CRYBB1: variants seen among roughly 807,000 people sequenced by gnomAD.
CRYBB1 encodes beta-crystallin B1.
A neutral mutation model predicts 29.5 loss-of-function variants in CRYBB1; 16 were observed. That is an observed-to-expected ratio of 0.54 (90% CI 0.37 to 0.82). The LOEUF is 0.82. Among genes scored for constraint, CRYBB1 ranks in the 40% least tolerant of loss-of-function variants. CRYBB1 has a pLI of 0.00. For missense variants in CRYBB1, 300 were observed against 350.5 expected (o/e 0.86, Z 1.15); for synonymous variants, 127 against 136.7 (o/e 0.93, Z 0.49).
intron 1 of CRYBB1, among the ~76,000 whole-genome samples, chr22:26,617,421 A>T (rs1929392355): frequency 6.6e-6 from 1 of 152,162 alleles, no homozygotes; most frequent in African/African-American, 2.4e-5. Context: ...GGATAAGCAC[A>T]TCCCTCCCCC....
In CRYBB1 at chr22:26,612,069, C is replaced by G. The variant is rs774112671; in HGVS notation, c.299+3G>C. On this transcript the variant is annotated splice_donor_region_variant and intron_variant, in intron 3 of 5. Transcript: ENST00000647684. ...GTGTGCCCCTCCGCCGCCCAGTACTCACGGTCCCGCGGAGACAATGATGCT... is the reference window on the plus strand; with the variant it reads ...GTGTGCCCCTCCGCCGCCCAGTACTGACGGTCCCGCGGAGACAATGATGCT... The G allele has an allele frequency of 6.2e-7, 1 of 1,608,404 alleles. No individual in the cohort carries two copies. Among genetic ancestry groups the G allele is most frequent in the Non-Finnish European group, 8.5e-7 (1 of 1,175,306 alleles).
intron 1 of CRYBB1, among the ~76,000 whole-genome samples, chr22:26,617,372 G>A (rs570661108): frequency 3.8e-4 from 58 of 152,334 alleles, no homozygotes; most frequent in African/African-American, 1.3e-3. Flanking sequence ...CTCTGGTCAA[G>A]CTGATTCCCG....
In CRYBB1 at chr22:26,601,875, T is replaced by C. The variant is rs778690135; in HGVS notation, c.575+4A>G. 1 of 1,611,900 alleles carries C rather than the reference T, an allele frequency of 6.2e-7. No homozygotes were observed. Among genetic ancestry groups the C allele is most frequent in the South Asian group, 1.1e-5 (1 of 90,982 alleles). ...GACGCGGACCTGGCAGGAGGGATGC[T>C]TACGTTCCACTGGAGACCTTCACGC... is the stretch of plus-strand genomic sequence containing the variant. On this transcript the variant is annotated splice_donor_region_variant and intron_variant, in intron 5 of 5. Transcript: ENST00000647684.
chr22:26,601,815 A>G, intron 5 of CRYBB1, 64 bp downstream of exon 5: 1 of 1,608,376 alleles, frequency 6.2e-7, no homozygotes, highest in Admixed American at 1.7e-5. Context: ...CTGTAAGGGG[A>G]GCAGCCTCTG....
Position 26,601,955 on chromosome 22 carries a change from G to A in CRYBB1, c.499C>T (p.Gln167Ter), listed in dbSNP as rs1928834349. ...CAGAGACTGGGTGCGTCGTCCCCCTGGATCTCTATGGTGTTGCCCTTGAAG... is the reference window on the plus strand; with the variant it reads ...CAGAGACTGGGTGCGTCGTCCCCCTAGATCTCTATGGTGTTGCCCTTGAAG... ...ANFKGNTIEI[Q>*]GDDAPSLWVY... Residue 167 changes from glutamine (Q) to a stop codon, truncating the protein, a stop_gained, in exon 5 of 6, where the codon CAG (glutamine) becomes TAG (stop). Coordinates refer to ENST00000647684, the MANE Select transcript of CRYBB1 (RefSeq NM_001887.4). LOFTEE classifies it high-confidence loss of function. 6.2e-7 allele frequency: 1 copy of A among 1,613,426 alleles called. No homozygotes were observed. The highest frequency in any genetic ancestry group is 1.3e-5 in the African/African-American group (1 of 74,864).
Position 26,616,199 on chromosome 22 carries a change from G to A in CRYBB1, c.121C>T (p.Pro41Ser), listed in dbSNP as rs765400366. The A allele has an allele frequency of 3.1e-6, 5 of 1,614,196 alleles. No individual in the cohort carries two copies. In the South Asian group the frequency reaches 5.5e-5, roughly 18 times the overall value. Residue 41 changes from proline to serine, a missense_variant, in exon 2 of 6, where the codon CCA becomes TCA. By Grantham distance (74) the Pro-to-Ser change is moderately conservative. Transcript: ENST00000647684. Reference sequence around the variant, plus strand: ...GCGCTGGTAATAGGCACGGTTGTTGGGGCCAGGGTAGTGCCGGGACTAGGG... The same window carrying A: ...GCGCTGGTAATAGGCACGGTTGTTGAGGCCAGGGTAGTGCCGGGACTAGGG... ...TSPSPGTTLA[P>S]TTVPITSAKA...
At chr22:26,608,486 A>G (rs1297852670) in intron 3 of CRYBB1, among the ~76,000 whole-genome samples, 2 of 152,220 alleles carry the variant, frequency 1.3e-5, no homozygotes, top group Non-Finnish European at 2.9e-5. Context: ...TAACAAAGAG[A>G]GAAAAGACCA....
chr22:26,612,693 G>T (rs1456178541), intron 2 of CRYBB1, among the ~76,000 whole-genome samples: 1 of 152,214 alleles, frequency 6.6e-6, no homozygotes, highest in Non-Finnish European at 1.5e-5. Context: ...GCCATCATTA[G>T]GAACTTATGA....
At chr22:26,616,399 C>G in intron 1 of CRYBB1, 61 bp from the exon 2 acceptor site, 1 of 1,128,792 alleles carries the variant, frequency 8.9e-7, no homozygotes, top group Non-Finnish European at 1.3e-6. Context: ...CCCTCATAGC[C>G]CCACATCCTG....
intron 4 of CRYBB1, among the ~76,000 whole-genome samples, chr22:26,603,531 C>T (rs1280639991): frequency 6.7e-6 from 1 of 148,840 alleles, no homozygotes; most frequent in Non-Finnish European, 1.5e-5. Flanking sequence ...CTGTCTCAAA[C>T]AACAACAACA....
In CRYBB1 at chr22:26,599,310, T is replaced by TG. The variant is rs1928748812; in HGVS notation, c.*179dup. On this transcript the variant is annotated 3_prime_UTR_variant, in exon 6 of 6. Transcript: ENST00000647684. ...CAGTGTTTGCTGCTTTTATTATCGT[T>TG]GTAATTATTAAGAGCGAGGAAGTCA... The TG allele has an allele frequency of 1.6e-6, 1 of 613,386 alleles. No homozygotes were observed. Among genetic ancestry groups the TG allele is most frequent in the Non-Finnish European group, 2.9e-6 (1 of 345,334 alleles). 38.0% of individuals were successfully genotyped at this position (613,386 alleles called of 1,614,324 possible).
chr22:26,601,613 A>G (rs1928820976), intron 5 of CRYBB1, among the ~76,000 whole-genome samples: 1 of 121,212 alleles, frequency 8.3e-6, no homozygotes, highest in African/African-American at 3.3e-5. Flanking sequence ...CTTCAACCCC[A>G]ACTAGGCTTA....
intron 5 of CRYBB1, among the ~76,000 whole-genome samples, chr22:26,600,716 T>C (rs539720573): frequency 6.6e-6 from 1 of 152,388 alleles, no homozygotes; most frequent in Admixed American, 6.5e-5. Flanking sequence ...ACTTCTCTCA[T>C]TGTCTTTGCT....
At chr22:26,599,814 G>A (rs1928765836) in intron 5 of CRYBB1, 141 bp from the exon 6 acceptor site, 1 of 738,930 alleles carries the variant, frequency 1.4e-6, no homozygotes, top group South Asian at 1.5e-5. Context: ...ATCCCTTCCT[G>A]CTCTGTGCCC....
intron 3 of CRYBB1, among the ~76,000 whole-genome samples, chr22:26,609,467 T>C (rs1299014587): frequency 2.0e-5 from 3 of 151,884 alleles, no homozygotes; most frequent in African/African-American, 7.3e-5. Flanking sequence ...GATGGACAGA[T>C]GAATGGATGC....
At chr22:26,612,947 AC>A (rs1404930421) in intron 2 of CRYBB1, among the ~76,000 whole-genome samples, 1 of 152,050 alleles carries the variant, frequency 6.6e-6, no homozygotes, top group Non-Finnish European at 1.5e-5. Context: ...CAACTAACCC[AC>A]CACACAGTCA....
intron 5 of CRYBB1, among the ~76,000 whole-genome samples, chr22:26,600,825 C>T (rs1928797541): frequency 6.6e-6 from 1 of 152,202 alleles, no homozygotes; most frequent in Non-Finnish European, 1.5e-5. Flanking sequence ...CTGCCCTCTG[C>T]CCTAACATAC....
chr22:26,601,586 C>T (rs1928820154), intron 5 of CRYBB1, among the ~76,000 whole-genome samples: 1 of 143,536 alleles, frequency 7.0e-6, no homozygotes, highest in Non-Finnish European at 1.5e-5. Context: ...AGCGCCGGCC[C>T]TTTTAGTTGA....
chr22:26,610,422 C>A (rs1434873113), intron 3 of CRYBB1, among the ~76,000 whole-genome samples: 1 of 152,058 alleles, frequency 6.6e-6, no homozygotes, highest in Non-Finnish European at 1.5e-5. Context: ...GCCCATCAGG[C>A]ACGGCTCCAA....
Sources: allele counts gnomAD v4.1 joint callset (sites outside exome capture counted in the v4.1 genomes callset), GRCh38; gene constraint gnomAD v4.1.1; transcripts MANE v1.5; gene names NCBI Gene and HGNC (gene_info 2026-07-23, HGNC 2026-07-21).